Variants in NAALADL2 observed in about 807,000 individuals in gnomAD.
The protein encoded by NAALADL2 is N-acetylated alpha-linked acidic dipeptidase like 2, also known as inactive N-acetylated-alpha-linked acidic dipeptidase-like protein 2.
A neutral mutation model predicts 87.2 loss-of-function variants in NAALADL2; 76 were observed. The ratio of observed to expected loss-of-function variants is 0.87; its 90% confidence interval spans 0.72 to 1.05. NAALADL2 has a LOEUF of 1.05. Ranked by LOEUF, NAALADL2 falls within the 50% of genes least tolerant of loss-of-function variation. The probability of loss-of-function intolerance (pLI) is 0.00; values close to 1 mark genes in which losing one functional copy is unlikely to be tolerated. For missense variants in NAALADL2, 1,089 were observed against 945.8 expected, an observed-to-expected ratio of 1.15 and a Z score of -1.99; for synonymous variants, 354 against 331.0, an observed-to-expected ratio of 1.07 and a Z score of -0.75.
At chr3:174,825,605 C>G (rs1721889702) in intron 3 of NAALADL2, among the ~76,000 whole-genome samples, 1 of 152,214 alleles carries the variant, frequency 6.6e-6, no homozygotes, top group Non-Finnish European at 1.5e-5. Context: ...CTGGGCATCC[C>G]TTAACCCAAT....
chr3:174,911,719 C>T (rs1197605413), intron 1 of NAALADL2, among the ~76,000 whole-genome samples: 6 of 152,078 alleles, frequency 3.9e-5, no homozygotes, highest in African/African-American at 1.4e-4. Context: ...ACCTTATATT[C>T]CTGTCTGTTT....
intron 2 of NAALADL2, among the ~76,000 whole-genome samples, chr3:174,581,409 T>C (rs1214033958): frequency 1.3e-5 from 2 of 152,112 alleles, no homozygotes; most frequent in Non-Finnish European, 2.9e-5. Flanking sequence ...AGTTTCCTAA[T>C]ACCAGAGAAG....
Position 175,447,231 on chromosome 3 carries a change from G to A in NAALADL2, c.1093G>A (p.Glu365Lys). ...CTTCCTTTGTCTTTTGAATACAGAT[G>A]AAAGTTTTAGACAAAGCCGATCAAA... ...PSTPGYPSVD[E>K]SFRQSRSNLT... The change falls in exon 6 of 14, where the codon GAA (glutamate) becomes AAA (lysine). Residue 365 changes from glutamate to lysine, a missense_variant and splice_region_variant. By Grantham distance (56) the Glu-to-Lys change is moderately conservative (BLOSUM62 1). Coordinates refer to ENST00000454872, the MANE Select transcript of NAALADL2 (RefSeq NM_207015.3). The A allele has an allele frequency of 6.3e-7, 1 of 1,576,016 alleles. No individual in the cohort carries two copies. The highest frequency in any genetic ancestry group is 8.6e-7 in the Non-Finnish European group (1 of 1,165,774).
At chr3:175,290,555 A>G (rs1431398816) in intron 4 of NAALADL2, among the ~76,000 whole-genome samples, 1 of 152,212 alleles carries the variant, frequency 6.6e-6, no homozygotes, top group African/African-American at 2.4e-5. Context: ...TATGTTTTCG[A>G]AACTCCTTGA....
At chr3:175,312,210 T>C (rs1758463043) in intron 4 of NAALADL2, among the ~76,000 whole-genome samples, 1 of 152,150 alleles carries the variant, frequency 6.6e-6, no homozygotes, top group Admixed American at 6.6e-5. Context: ...GCTTCGGAAG[T>C]AAAAATATCT....
intron 9 of NAALADL2, among the ~76,000 whole-genome samples, chr3:175,560,348 G>C (rs6810138): frequency 6.6e-6 from 1 of 151,718 alleles, no homozygotes; most frequent in Non-Finnish European, 1.5e-5. Context: ...CTGGCTAAAG[G>C]TTCGACAATT....
chr3:175,254,847 A>C (rs1337785971), intron 3 of NAALADL2, among the ~76,000 whole-genome samples: 2 of 152,242 alleles, frequency 1.3e-5, no homozygotes, highest in Admixed American at 1.3e-4. Context: ...GAATAAAATT[A>C]TAATGAAAAT....
At chr3:175,054,358 T>C (rs1276066215) in intron 1 of NAALADL2, among the ~76,000 whole-genome samples, 1 of 152,188 alleles carries the variant, frequency 6.6e-6, no homozygotes, top group Non-Finnish European at 1.5e-5. Context: ...GAAACAGTCT[T>C]TTAAATCTAT....
chr3:174,650,819 G>A (rs550196398), intron 2 of NAALADL2, among the ~76,000 whole-genome samples: 5 of 152,108 alleles, frequency 3.3e-5, no homozygotes, highest in South Asian at 4.1e-4. Flanking sequence ...GTCTTAGCAC[G>A]CCAGGCTTCA....
intron 12 of NAALADL2, among the ~76,000 whole-genome samples, chr3:175,737,714 G>GTTTTTTTTTTTTTTTTTTTTT (rs71164650): frequency 3.7e-5 from 2 of 54,760 alleles, no homozygotes; most frequent in African/African-American, 1.6e-4. Context: ...CAATGATCCA[G>GTTTTTTTTTTTTTTTTTTTTT]TTTTTTTTTT....
upstream of NAALADL2, among the ~76,000 whole-genome samples, chr3:174,856,351 T>C (rs558125037): frequency 1.3e-5 from 2 of 152,238 alleles, no homozygotes; most frequent in South Asian, 4.1e-4. Context: ...ATCCACACTT[T>C]TCCTTTCCAC....
At chr3:175,014,657 C>T (rs1309640570) in intron 1 of NAALADL2, among the ~76,000 whole-genome samples, 1 of 152,050 alleles carries the variant, frequency 6.6e-6, no homozygotes, top group Non-Finnish European at 1.5e-5. Context: ...ATAATATTCA[C>T]CTGAAACTCC....
At chr3:174,839,316 G>A (rs1271732226) in intron 3 of NAALADL2, among the ~76,000 whole-genome samples, 1 of 152,000 alleles carries the variant, frequency 6.6e-6, no homozygotes, top group Admixed American at 6.6e-5. Context: ...ACTGGATTCT[G>A]TTCTCTTACC....
intron 1 of NAALADL2, among the ~76,000 whole-genome samples, chr3:174,542,670 A>T (rs1578129694): frequency 2.0e-5 from 3 of 152,342 alleles, no homozygotes; most frequent in Admixed American, 2.0e-4. Context: ...TTCCCTGGTT[A>T]TAGCTATGTA....
chr3:174,586,296 A>T (rs757981118), intron 2 of NAALADL2, among the ~76,000 whole-genome samples: 1 of 152,108 alleles, frequency 6.6e-6, no homozygotes, highest in Admixed American at 6.5e-5. Flanking sequence ...GGTATACATT[A>T]TTTTTTTTAT....
chr3:175,571,428 A>C (rs1435329232), intron 9 of NAALADL2, among the ~76,000 whole-genome samples: 2 of 152,192 alleles, frequency 1.3e-5, no homozygotes, highest in Non-Finnish European at 2.9e-5. Context: ...CTTGTAAATA[A>C]ATTTTAAAAA....
intron 2 of NAALADL2, chr3:175,124,321 G>T (rs1726598671): frequency 1.3e-5 from 2 of 151,940 alleles, no homozygotes; most frequent in African/African-American, 4.8e-5. Context: ...GGTCACTGTT[G>T]TTGGTTCAGT....
chr3:175,558,282 T>C (rs1013765948), intron 9 of NAALADL2, among the ~76,000 whole-genome samples: 4 of 152,150 alleles, frequency 2.6e-5, no homozygotes, highest in Admixed American at 2.6e-4. Context: ...TTATTAGATT[T>C]TTTTTCCCTA....
chr3:175,362,238 G>A (rs1026224377), intron 5 of NAALADL2, among the ~76,000 whole-genome samples: 4 of 148,082 alleles, frequency 2.7e-5, no homozygotes, highest in East Asian at 4.0e-4. Context: ...CTCTGTTTTG[G>A]TACCAGTACC....
Sources: gnomAD v4.1 joint callset for allele counts (sites outside exome capture counted in the v4.1 genomes callset) on GRCh38, gnomAD v4.1.1 for gene constraint, MANE v1.5 for transcripts, NCBI Gene and HGNC (gene_info 2026-07-23, HGNC 2026-07-21) for gene names.